APBA2: variants seen among roughly 807,000 people sequenced by gnomAD.
The protein encoded by APBA2 is amyloid beta precursor protein binding family A member 2.
A neutral mutation model predicts 75.0 loss-of-function variants in APBA2; 30 were observed. The observed-to-expected ratio is 0.40, with a 90% CI of 0.30 to 0.54. The LOEUF (loss-of-function observed/expected upper bound fraction) is 0.54, where lower values mean the gene tolerates loss of function less well. Among genes scored for constraint, APBA2 ranks in the 20% least tolerant of loss-of-function variants. The probability of loss-of-function intolerance (pLI) is 0.49; values close to 1 mark genes in which losing one functional copy is unlikely to be tolerated. For missense variants in APBA2, 801 were observed against 1,016.1 expected (o/e 0.79, Z 2.88); for synonymous variants, 444 against 409.6 (o/e 1.08, Z -1.01).
intron 3 of APBA2, among the ~76,000 whole-genome samples, chr15:29,031,136 C>T (rs936630343): frequency 1.1e-4 from 17 of 151,860 alleles, no homozygotes; most frequent in Admixed American, 1.3e-4. Context: ...TAGCAGTCTT[C>T]GTGCCATTTT....
In APBA2 at chr15:28,977,926, C is replaced by T. The variant is rs189112481; in HGVS notation, c.-94-17827C>T. On this transcript the variant is annotated intron_variant, in intron 2 of 14. Coordinates refer to ENST00000683413, the MANE Select transcript of APBA2 (RefSeq NM_001353788.2). ...TCCTCAGTTGAAAGGTAGTGAACAG[C>T]TTGGGCTGTGGACTCAGGCAGGCCT... Among the ~76,000 whole-genome samples the T allele has an allele frequency of 8.1e-4, 123 of 152,250 alleles. 1 individual carries two copies. In the East Asian group the frequency reaches 0.015, roughly 18 times the overall value.
At chr15:28,900,497 A>T in intron 1 of APBA2, among the ~76,000 whole-genome samples, 1 of 152,300 alleles carries the variant, frequency 6.6e-6, no homozygotes, top group Non-Finnish European at 1.5e-5. Context: ...TGGCTTTGTC[A>T]TCTTCTTTCC....
chr15:28,905,734 G>C (rs2033100406), intron 1 of APBA2, among the ~76,000 whole-genome samples: 1 of 152,128 alleles, frequency 6.6e-6, no homozygotes, highest in African/African-American at 2.4e-5. Flanking sequence ...CAATTATCTT[G>C]TATCTCTGGA....
intron 2 of APBA2, among the ~76,000 whole-genome samples, chr15:28,993,536 G>C (rs532747095): frequency 6.6e-6 from 1 of 152,204 alleles, no homozygotes; most frequent in East Asian, 1.9e-4. Context: ...CAAAGGCTGG[G>C]TGTGTGATGC....
At chr15:29,014,451 C>T (rs965686121) in intron 3 of APBA2, among the ~76,000 whole-genome samples, 2 of 152,178 alleles carry the variant, frequency 1.3e-5, no homozygotes, top group Non-Finnish European at 2.9e-5. Context: ...CATTTTAGAA[C>T]TGCACTGTCC....
chr15:29,082,281 G>A (rs1391976255), intron 6 of APBA2, among the ~76,000 whole-genome samples: 1 of 152,202 alleles, frequency 6.6e-6, no homozygotes, highest in Non-Finnish European at 1.5e-5. Context: ...GTCATACAAT[G>A]TAATGTATTG....
intron 2 of APBA2, among the ~76,000 whole-genome samples, chr15:28,933,927 T>C (rs1420620867): frequency 2.6e-5 from 4 of 151,958 alleles, no homozygotes; most frequent in African/African-American, 9.7e-5. Context: ...AAGAAGTGAC[T>C]GTGTGCCGAG....
At chr15:28,941,479 T>C (rs2035218954) in intron 2 of APBA2, among the ~76,000 whole-genome samples, 1 of 134,442 alleles carries the variant, frequency 7.4e-6, no homozygotes, top group Non-Finnish European at 1.5e-5. Context: ...GACCAACGAC[T>C]CTTCAGTTAA....
chr15:28,898,472 C>G (rs548975487), intron 1 of APBA2, among the ~76,000 whole-genome samples: 1 of 152,238 alleles, frequency 6.6e-6, no homozygotes, highest in South Asian at 2.1e-4. Flanking sequence ...AGCAAAAAAC[C>G]CCAGATGCTA....
At chr15:28,999,556 G>A (rs1039686525) in intron 3 of APBA2, among the ~76,000 whole-genome samples, 1 of 152,186 alleles carries the variant, frequency 6.6e-6, no homozygotes, top group Non-Finnish European at 1.5e-5. Context: ...TGCCCAGAGT[G>A]TGAAGCAAGG....
At chr15:29,116,428 C>A (rs2045147036) in intron 14 of APBA2, among the ~76,000 whole-genome samples, 2 of 152,020 alleles carry the variant, frequency 1.3e-5, no homozygotes, top group Admixed American at 1.3e-4. Context: ...AGATTGAGAC[C>A]ATCCTGGCTA....
chr15:29,057,472 G>GA (rs1355233903), intron 4 of APBA2, among the ~76,000 whole-genome samples: 1 of 152,222 alleles, frequency 6.6e-6, no homozygotes, highest in Admixed American at 6.5e-5. Flanking sequence ...ATGGGAAGAT[G>GA]AAAAATGTAT....
chr15:29,061,918 C>T (rs908758408), intron 4 of APBA2, among the ~76,000 whole-genome samples: 1 of 152,224 alleles, frequency 6.6e-6, no homozygotes, highest in Non-Finnish European at 1.5e-5. Flanking sequence ...GGCGCCCCCC[C>T]TCCATCAGCG....
At chr15:29,051,731 A>T (rs2041603776) in intron 3 of APBA2, among the ~76,000 whole-genome samples, 1 of 152,136 alleles carries the variant, frequency 6.6e-6, no homozygotes, top group South Asian at 2.1e-4. Context: ...GATACACAAT[A>T]TGGAAGGCCT....
chr15:28,974,675 C>T (rs72714196), intron 2 of APBA2, among the ~76,000 whole-genome samples: 4,202 of 152,164 alleles, frequency 0.028, 73 homozygotes, highest in Non-Finnish European at 0.031. Flanking sequence ...CAAGATTAAA[C>T]TCTATTAAAT....
At chr15:29,070,382 A>G (rs935688004) in intron 4 of APBA2, among the ~76,000 whole-genome samples, 2 of 152,370 alleles carry the variant, frequency 1.3e-5, no homozygotes, top group East Asian at 1.9e-4. Flanking sequence ...TCCCATTCAC[A>G]GGCCTGCCTA....
At chr15:28,895,271 C>G (rs528389987) in intron 1 of APBA2, among the ~76,000 whole-genome samples, 14 of 152,294 alleles carry the variant, frequency 9.2e-5, no homozygotes, top group African/African-American at 3.4e-4. Context: ...CTGCTGGCCT[C>G]CGGTGGCTGG....
At chr15:29,057,780 T>G (rs1387283126) in intron 4 of APBA2, among the ~76,000 whole-genome samples, 1 of 152,252 alleles carries the variant, frequency 6.6e-6, no homozygotes, top group Non-Finnish European at 1.5e-5. Flanking sequence ...TTCTCTTAGG[T>G]GTAAGGCTGC....
intron 1 of APBA2, among the ~76,000 whole-genome samples, chr15:28,894,361 G>C (rs1056526584): frequency 2.0e-5 from 3 of 152,202 alleles, no homozygotes; most frequent in Admixed American, 2.0e-4. Flanking sequence ...GCATGGAGGG[G>C]GCTGCTGGAG....
Sources: allele counts gnomAD v4.1 joint callset (sites outside exome capture counted in the v4.1 genomes callset), GRCh38; gene constraint gnomAD v4.1.1; transcripts MANE v1.5; gene names NCBI Gene and HGNC (gene_info 2026-07-23, HGNC 2026-07-21).